ARMC2: variants seen among roughly 807,000 people sequenced by gnomAD.
ARMC2 encodes the protein armadillo repeat-containing protein 2.
In ARMC2, 67 loss-of-function variants were observed where a neutral mutation model predicts 90.3. The ratio of observed to expected loss-of-function variants is 0.74; its 90% CI spans 0.61 to 0.91. The LOEUF (loss-of-function observed/expected upper bound fraction) is 0.91. Ranked by LOEUF, ARMC2 falls within the 40% of genes least tolerant of loss-of-function variation. The probability of loss-of-function intolerance (pLI) is 0.00; values close to 1 mark genes in which losing one functional copy is unlikely to be tolerated. For missense variants in ARMC2, 920 were observed against 1,030.9 expected, an observed-to-expected ratio of 0.89 and a Z score of 1.47; for synonymous variants, 393 against 393.0, an observed-to-expected ratio of 1.00 and a Z score of 0.00.
At chr6:108,979,554 G>T in the ARMC2 span, among the ~76,000 whole-genome samples, 1 of 152,008 alleles carries the variant, frequency 6.6e-6, no homozygotes, top group Non-Finnish European at 1.5e-5. Context: ...GCTAGATTGG[G>T]GAAGTTCTCC....
chr6:108,870,609 G>C (rs1776301656), intron 4 of ARMC2, among the ~76,000 whole-genome samples: 1 of 151,466 alleles, frequency 6.6e-6, no homozygotes, highest in African/African-American at 2.4e-5. Flanking sequence ...AAGAAGGAAA[G>C]AAAAAGAAGA....
At chr6:108,960,403 G>A (rs1465416401) in intron 13 of ARMC2, among the ~76,000 whole-genome samples, 1 of 152,214 alleles carries the variant, frequency 6.6e-6, no homozygotes, top group Non-Finnish European at 1.5e-5. Flanking sequence ...TGAGTCTGGA[G>A]ACTGAGTGGG....
At chr6:108,925,149 C>A (rs1263473570) in intron 10 of ARMC2, among the ~76,000 whole-genome samples, 8 of 152,122 alleles carry the variant, frequency 5.3e-5, no homozygotes, top group African/African-American at 1.9e-4. Context: ...GACTGATCGG[C>A]CTCTGAAAGG....
chr6:108,987,656 A>G, the ARMC2 span: 3 of 1,262,698 alleles, frequency 2.4e-6, no homozygotes, highest in Non-Finnish European at 3.5e-6. Flanking sequence ...AACATCATAT[A>G]AGGAAGGGTT....
chr6:108,891,574 C>G (rs1481587328), intron 5 of ARMC2, among the ~76,000 whole-genome samples: 1 of 152,124 alleles, frequency 6.6e-6, no homozygotes, highest in African/African-American at 2.4e-5. Flanking sequence ...CTGTTCATAT[C>G]CTTCATCCAC....
At chr6:108,849,488 C>G (rs1321297331) in intron 1 of ARMC2, among the ~76,000 whole-genome samples, 2 of 152,136 alleles carry the variant, frequency 1.3e-5, no homozygotes, top group Non-Finnish European at 1.5e-5. Flanking sequence ...ATGTATCAAA[C>G]CTGTACATTG....
the ARMC2 span, among the ~76,000 whole-genome samples, chr6:109,020,673 T>C: frequency 6.6e-6 from 1 of 152,196 alleles, no homozygotes; most frequent in Non-Finnish European, 1.5e-5. Context: ...GAAGGGATTT[T>C]CAAGAGTTAC....
intron 11 of ARMC2, among the ~76,000 whole-genome samples, chr6:108,934,869 G>A (rs1011177525): frequency 6.6e-6 from 1 of 151,894 alleles, no homozygotes; most frequent in Non-Finnish European, 1.5e-5. Context: ...CTATTTAACA[G>A]ATATTTGTAT....
At chr6:109,040,928 A>G in the ARMC2 span, among the ~76,000 whole-genome samples, 13 of 152,166 alleles carry the variant, frequency 8.5e-5, no homozygotes, top group East Asian at 2.5e-3. Context: ...CTGGGATTAC[A>G]GGCGTGAGCC....
chr6:108,912,306 A>C (rs1773518668), intron 9 of ARMC2, 29 bp from the exon 10 acceptor site: 1 of 1,494,222 alleles, frequency 6.7e-7, no homozygotes, highest in Non-Finnish European at 9.2e-7. Flanking sequence ...TTATACTCAG[A>C]CATTTATAAT....
chr6:108,931,137 A>T (rs561929432), intron 11 of ARMC2, among the ~76,000 whole-genome samples: 5 of 151,682 alleles, frequency 3.3e-5, no homozygotes, highest in African/African-American at 4.9e-5. Flanking sequence ...ATAAGTTCTC[A>T]TCATTTAGCT....
intron 7 of ARMC2, among the ~76,000 whole-genome samples, chr6:108,900,429 C>G (rs1772010388): frequency 6.6e-6 from 1 of 152,234 alleles, no homozygotes; most frequent in Non-Finnish European, 1.5e-5. Flanking sequence ...CAAGGATTCT[C>G]TTTCTGAAGT....
At chr6:108,974,683 A>G (rs1282009327), downstream of ARMC2, among the ~76,000 whole-genome samples, 4 of 152,044 alleles carry the variant, frequency 2.6e-5, no homozygotes, top group Admixed American at 1.3e-4. Context: ...CTGCTTGGAG[A>G]AAAGCTTTTA....
chr6:108,891,402 C>G (rs1430367954), intron 5 of ARMC2, among the ~76,000 whole-genome samples: 1 of 152,250 alleles, frequency 6.6e-6, no homozygotes, highest in African/African-American at 2.4e-5. Context: ...TCCACATCCT[C>G]TCCAGCATTT....
the ARMC2 span, among the ~76,000 whole-genome samples, chr6:109,005,479 CAA>C: frequency 6.6e-6 from 1 of 152,008 alleles, no homozygotes; most frequent in South Asian, 2.1e-4. Context: ...GGTTTAGAAA[CAA>C]AGAGGTATAC....
intron 10 of ARMC2, among the ~76,000 whole-genome samples, chr6:108,924,981 A>T (rs1774970980): frequency 6.6e-6 from 1 of 152,112 alleles, no homozygotes; most frequent in South Asian, 2.1e-4. Flanking sequence ...CTTGGGAAGG[A>T]GCTGCTGTCA....
chr6:108,918,513 G>C (rs1362549908), intron 10 of ARMC2, among the ~76,000 whole-genome samples: 2 of 151,096 alleles, frequency 1.3e-5, no homozygotes, highest in Non-Finnish European at 2.9e-5. Context: ...CTGAGCCCTA[G>C]AGTGAGCTCC....
At chr6:108,913,402 G>C (rs1426993672) in intron 10 of ARMC2, among the ~76,000 whole-genome samples, 1 of 152,102 alleles carries the variant, frequency 6.6e-6, no homozygotes, top group East Asian at 1.9e-4. Flanking sequence ...TGGACTTTGT[G>C]GTCTGTCTCC....
At chr6:108,927,260 C>T (rs965469997) in intron 10 of ARMC2, among the ~76,000 whole-genome samples, 6 of 152,074 alleles carry the variant, frequency 3.9e-5, no homozygotes, top group African/African-American at 1.4e-4. Context: ...ATGATGGCAG[C>T]GATGCCATTC....
Sources: gnomAD v4.1 joint callset for allele counts (sites outside exome capture counted in the v4.1 genomes callset) on GRCh38, gnomAD v4.1.1 for gene constraint, MANE v1.5 for transcripts, NCBI Gene and HGNC (gene_info 2026-07-23, HGNC 2026-07-21) for gene names.